Variants in PTBP3 observed in about 807,000 individuals in gnomAD.
The protein encoded by PTBP3 is polypyrimidine tract-binding protein 3.
PTBP3 carries 20 observed loss-of-function variants against 58.7 expected under a neutral mutation model. The ratio of observed to expected loss-of-function variants is 0.34; its 90% confidence interval spans 0.24 to 0.50. The LOEUF (loss-of-function observed/expected upper bound fraction) is 0.50, where lower values mean the gene tolerates loss of function less well. PTBP3 is among the 20% of genes least tolerant of loss of function. The probability of loss-of-function intolerance (pLI) is 0.98; values close to 1 mark genes in which losing one functional copy is unlikely to be tolerated. For synonymous variants in PTBP3, 185 were observed against 219.8 expected (o/e 0.84, Z 1.40); for missense variants, 509 against 637.2 (o/e 0.80, Z 2.17).
chr9:112,330,326 A>G, intron 1 of PTBP3: 2 of 744,892 alleles, frequency 2.7e-6, no homozygotes, highest in Non-Finnish European at 4.4e-6. Flanking sequence ...TTTTGGAGCT[A>G]AGTAAAAATT....
the PTBP3 span, among the ~76,000 whole-genome samples, chr9:112,366,120 T>A: frequency 6.6e-6 from 1 of 151,784 alleles, no homozygotes; most frequent in Non-Finnish European, 1.5e-5. Context: ...CAGTCTCTAC[T>A]AAAAATACAA....
intron 2 of PTBP3, among the ~76,000 whole-genome samples, chr9:112,291,049 C>T (rs1564438961): frequency 6.6e-6 from 1 of 151,978 alleles, no homozygotes; most frequent in African/African-American, 2.4e-5. Flanking sequence ...AGGTGAAACC[C>T]CACTTCTACT....
intron 1 of PTBP3, among the ~76,000 whole-genome samples, chr9:112,308,467 A>T (rs1829330135): frequency 6.6e-6 from 1 of 152,002 alleles, no homozygotes; most frequent in African/African-American, 2.4e-5. Flanking sequence ...AATGAAAAGG[A>T]TTTCTCAAAA....
intron 2 of PTBP3, among the ~76,000 whole-genome samples, chr9:112,293,838 GAAC>G (rs1411038104): frequency 6.6e-6 from 1 of 152,094 alleles, no homozygotes; most frequent in East Asian, 1.9e-4. Context: ...GAGGATAAAA[GAAC>G]AACAAAAGAG....
chr9:112,333,884 T>C (rs1307949418), upstream of PTBP3, among the ~76,000 whole-genome samples: 34 of 143,622 alleles, frequency 2.4e-4, no homozygotes, highest in African/African-American at 8.3e-4. Context: ...CCAGCCTCCC[T>C]CCTGCGTTCG....
At chr9:112,349,551 ACT>A in the PTBP3 span, among the ~76,000 whole-genome samples, 851 of 152,130 alleles carry the variant, frequency 5.6e-3, 46 homozygotes, top group East Asian at 0.14. Context: ...GGAATTTGAC[ACT>A]ATCTCTACAT....
intron 2 of PTBP3, among the ~76,000 whole-genome samples, chr9:112,296,647 T>G (rs1180694255): frequency 6.6e-6 from 1 of 152,166 alleles, no homozygotes; most frequent in Non-Finnish European, 1.5e-5. Flanking sequence ...TCAAATTTCT[T>G]TCATGATGTT....
chr9:112,322,883 C>G lies in PTBP3; in HGVS notation c.-52+10587G>C, dbSNP rs540739318. ...GGTAGGTCACATAACACGGACATGT[C>G]CAGGTGAACCAAGCTTGCAACCATG... is the stretch of plus-strand genomic sequence containing the variant. On this transcript the variant is annotated intron_variant, in intron 1 of 13. Coordinates refer to ENST00000374257, the MANE Select transcript of PTBP3 (RefSeq NM_001163788.4). Among the ~76,000 whole-genome samples, 17 of 152,290 alleles carry G rather than the reference C, an allele frequency of 1.1e-4. No individual in the cohort carries two copies. In the South Asian group the frequency reaches 2.1e-3, roughly 19 times the overall value.
intron 2 of PTBP3, among the ~76,000 whole-genome samples, chr9:112,288,122 G>A (rs945447128): frequency 4.7e-4 from 72 of 152,198 alleles, no homozygotes; most frequent in African/African-American, 1.7e-3. Flanking sequence ...AGTTTCATTA[G>A]GGTAGATTTG....
At chr9:112,299,436 T>C (rs967983283) in intron 1 of PTBP3, among the ~76,000 whole-genome samples, 15 of 152,218 alleles carry the variant, frequency 9.9e-5, no homozygotes, top group African/African-American at 3.6e-4. Flanking sequence ...AGACAAGTCA[T>C]GGAATAAGAA....
At chr9:112,373,546 T>G in the PTBP3 span, among the ~76,000 whole-genome samples, 1,304 of 152,276 alleles carry the variant, frequency 8.6e-3, 27 homozygotes, top group African/African-American at 0.03. Flanking sequence ...CATCCTGCAA[T>G]CCAATTAAGT....
At chr9:112,350,863 A>G in the PTBP3 span, among the ~76,000 whole-genome samples, 2 of 152,112 alleles carry the variant, frequency 1.3e-5, no homozygotes, top group Admixed American at 6.6e-5. Context: ...CAGTGGCACA[A>G]TCTCAGCTCA....
At chr9:112,374,883 C>T in the PTBP3 span, among the ~76,000 whole-genome samples, 1 of 152,192 alleles carries the variant, frequency 6.6e-6, no homozygotes, top group Non-Finnish European at 1.5e-5. Context: ...AATCAACCTG[C>T]CACCAGGTAG....
intron 1 of PTBP3, among the ~76,000 whole-genome samples, chr9:112,309,614 C>G (rs1374335708): frequency 6.6e-6 from 1 of 151,840 alleles, no homozygotes; most frequent in African/African-American, 2.4e-5. Flanking sequence ...GATGAAACCC[C>G]GTCTCTATTA....
intron 12 of PTBP3, 139 bp from the exon 13 acceptor site, chr9:112,224,349 TC>T (rs1834905046): frequency 1.9e-6 from 1 of 523,042 alleles, no homozygotes; most frequent in Non-Finnish European, 3.3e-6. Context: ...ATTTGGAAGT[TC>T]CCTGAAAGAT....
chr9:112,303,941 C>T (rs1362904075), intron 1 of PTBP3, among the ~76,000 whole-genome samples: 3 of 151,962 alleles, frequency 2.0e-5, no homozygotes, highest in Non-Finnish European at 2.9e-5. Context: ...CCAAGGCAGG[C>T]GGATCACTTG....
At chr9:112,329,844 A>C (rs1180806842) in intron 1 of PTBP3, among the ~76,000 whole-genome samples, 1 of 67,934 alleles carries the variant, frequency 1.5e-5, no homozygotes, top group Non-Finnish European at 2.6e-5. Flanking sequence ...CCTAGGCTAC[A>C]CTTTTTTTTT....
In PTBP3 at chr9:112,220,658, A is replaced by G. The variant is rs1834775297; in HGVS notation, c.*3193T>C. Reference sequence around the variant, plus strand: ...CTGCTGGGTAATTCTGATACTCTCCAGTAAGTATCAATTAAGATACTGGGT... The same window carrying G: ...CTGCTGGGTAATTCTGATACTCTCCGGTAAGTATCAATTAAGATACTGGGT... On this transcript the variant is annotated 3_prime_UTR_variant, in exon 14 of 14. Transcript: ENST00000374257. 4 of 987,864 alleles carry G rather than the reference A, an allele frequency of 4.0e-6. No homozygotes were observed. The highest frequency in any genetic ancestry group is 1.7e-5 in the African/African-American group (1 of 57,244). 61.2% of individuals were successfully genotyped at this position (987,864 alleles called of 1,614,324 possible).
At chr9:112,303,781 T>C (rs1480950187) in intron 1 of PTBP3, among the ~76,000 whole-genome samples, 1 of 151,838 alleles carries the variant, frequency 6.6e-6, no homozygotes, top group Non-Finnish European at 1.5e-5. Flanking sequence ...GGAGAATCAC[T>C]TGAACCTGGG....
Sources: allele counts gnomAD v4.1 joint callset (sites outside exome capture counted in the v4.1 genomes callset), GRCh38; gene constraint gnomAD v4.1.1; transcripts MANE v1.5; gene names NCBI Gene and HGNC (gene_info 2026-07-23, HGNC 2026-07-21).